Variants in NUBPL observed in about 807,000 individuals in gnomAD.
The protein encoded by NUBPL is iron-sulfur cluster transfer protein NUBPL.
NUBPL carries 31 observed loss-of-function variants against 45.7 expected under a neutral mutation model. The observed-to-expected ratio is 0.68, with a 90% confidence interval of 0.51 to 0.92. NUBPL has a LOEUF of 0.92. NUBPL is among the 40% of genes least tolerant of loss of function. The pLI is 0.00. For missense variants in NUBPL, 401 were observed against 398.7 expected (o/e 1.01, Z -0.05); for synonymous variants, 144 against 140.9 (o/e 1.02, Z -0.15).
chr14:31,757,955 G>C (rs1002175561), intron 6 of NUBPL, among the ~76,000 whole-genome samples: 7 of 151,820 alleles, frequency 4.6e-5, no homozygotes, highest in Non-Finnish European at 7.4e-5. Context: ...ACTTATGGCT[G>C]TTCTCTCTAT....
intron 4 of NUBPL, among the ~76,000 whole-genome samples, chr14:31,628,188 G>T (rs1405758550): frequency 6.6e-6 from 1 of 152,108 alleles, no homozygotes; most frequent in African/African-American, 2.4e-5. Context: ...CCAAAATTTG[G>T]CAAGTGTTGG....
intron 3 of NUBPL, among the ~76,000 whole-genome samples, chr14:31,580,104 TACTC>T (rs2033822823): frequency 6.6e-6 from 1 of 152,228 alleles, no homozygotes; most frequent in Non-Finnish European, 1.5e-5. Context: ...AAGGATATAA[TACTC>T]AGTGCTTCTA....
chr14:31,659,705 C>T (rs1202100906), intron 4 of NUBPL, among the ~76,000 whole-genome samples: 2 of 152,136 alleles, frequency 1.3e-5, no homozygotes, highest in Non-Finnish European at 2.9e-5. Context: ...TGCATTCTTT[C>T]CCATTTATAT....
chr14:31,688,654 TG>T (rs1329199605), intron 6 of NUBPL, among the ~76,000 whole-genome samples: 18 of 101,612 alleles, frequency 1.8e-4, no homozygotes, highest in African/African-American at 5.7e-4. Flanking sequence ...AGGTTTTTGT[TG>T]TTGTTTTTTT....
At chr14:31,644,402 A>G (rs1174779682) in intron 4 of NUBPL, among the ~76,000 whole-genome samples, 1 of 152,046 alleles carries the variant, frequency 6.6e-6, no homozygotes, top group African/African-American at 2.4e-5. Context: ...TAATTTCTTC[A>G]TTGACCCATT....
chr14:31,859,204 G>A lies in NUBPL; in HGVS notation c.*24G>A, dbSNP rs2139028463. The A allele has an allele frequency of 1.9e-6, 3 of 1,601,270 alleles. No homozygotes were observed. In the East Asian group the frequency reaches 6.7e-5, roughly 36 times the overall value. ...GATTCCCCAAGTGTCCTGGAAATTTGCCTGGTACTGACATTAAGAGGACCT... is the reference window on the plus strand; with the variant it reads ...GATTCCCCAAGTGTCCTGGAAATTTACCTGGTACTGACATTAAGAGGACCT... On this transcript the variant is annotated 3_prime_UTR_variant, in exon 11 of 11. Coordinates refer to ENST00000281081, the MANE Select transcript of NUBPL (RefSeq NM_025152.3).
intron 6 of NUBPL, among the ~76,000 whole-genome samples, chr14:31,680,493 T>A (rs1055321845): frequency 1.3e-5 from 2 of 152,094 alleles, no homozygotes; most frequent in South Asian, 4.1e-4. Flanking sequence ...TCATATAATT[T>A]TTCTCCTTTA....
chr14:31,593,177 A>T (rs2034188458), intron 3 of NUBPL, among the ~76,000 whole-genome samples: 4 of 152,156 alleles, frequency 2.6e-5, no homozygotes, highest in South Asian at 2.1e-4. Flanking sequence ...ATACGAGAGG[A>T]TGTGTACAGG....
chr14:31,596,443 C>G (rs1265359573), intron 3 of NUBPL, among the ~76,000 whole-genome samples: 1 of 152,114 alleles, frequency 6.6e-6, no homozygotes, highest in Non-Finnish European at 1.5e-5. Context: ...ACTTTGCTCT[C>G]TAAATTGAAT....
intron 6 of NUBPL, among the ~76,000 whole-genome samples, chr14:31,701,944 G>A (rs1375587036): frequency 1.3e-5 from 2 of 152,164 alleles, no homozygotes; most frequent in Non-Finnish European, 2.9e-5. Context: ...TATGTGAATA[G>A]TTTAGGTCAA....
At chr14:31,742,219 C>CA (rs2038299372) in intron 6 of NUBPL, among the ~76,000 whole-genome samples, 1 of 146,132 alleles carries the variant, frequency 6.8e-6, no homozygotes, top group Non-Finnish European at 1.5e-5. Context: ...CACTATGAAA[C>CA]CAATTTTAAC....
chr14:31,726,858 T>A (rs940648340), intron 6 of NUBPL, among the ~76,000 whole-genome samples: 27 of 152,250 alleles, frequency 1.8e-4, no homozygotes, highest in African/African-American at 6.0e-4. Context: ...ACTATCAATG[T>A]TTTGAGCTGA....
At chr14:31,838,081 A>C (rs1193588231) in intron 8 of NUBPL, among the ~76,000 whole-genome samples, 4 of 152,154 alleles carry the variant, frequency 2.6e-5, no homozygotes. Context: ...ACGGTTGAAC[A>C]AGCCAGCACA....
intron 6 of NUBPL, among the ~76,000 whole-genome samples, chr14:31,693,306 T>C (rs2037132953): frequency 6.6e-6 from 1 of 152,184 alleles, no homozygotes; most frequent in Non-Finnish European, 1.5e-5. Context: ...CCTCTTAAGA[T>C]ATATGGAGGC....
In NUBPL at chr14:31,617,306, T is replaced by C. The variant is rs140253032; in HGVS notation, c.382+17927T>C. Among the ~76,000 whole-genome samples, 467 of 152,286 alleles carry C rather than the reference T, an allele frequency of 3.1e-3. 3 individuals carry two copies. The highest frequency in any genetic ancestry group is 0.011 in the African/African-American group (439 of 41,564). On this transcript the variant is annotated intron_variant, in intron 4 of 10. Transcript: ENST00000281081. ...TTATTGCCCTGGCCAGAACTTCCAG[T>C]ACTATGTGGAATAGGAGTGGTGAAA...
chr14:31,629,626 C>G (rs189253626), intron 4 of NUBPL, among the ~76,000 whole-genome samples: 1 of 152,216 alleles, frequency 6.6e-6, no homozygotes, highest in East Asian at 1.9e-4. Flanking sequence ...TATGCTATCA[C>G]ATAATTGCTT....
At chr14:31,680,003 T>G (rs936075877) in intron 6 of NUBPL, among the ~76,000 whole-genome samples, 6 of 152,184 alleles carry the variant, frequency 3.9e-5, no homozygotes, top group Non-Finnish European at 4.4e-5. Flanking sequence ...TCTTGTAAAT[T>G]GAATTGTTAT....
At chr14:31,787,447 A>G (rs1000720570) in intron 6 of NUBPL, among the ~76,000 whole-genome samples, 6 of 152,242 alleles carry the variant, frequency 3.9e-5, no homozygotes. Context: ...AAAAGCTAAT[A>G]TCTTCTTTAG....
At chr14:31,817,543 A>C (rs1487137880) in intron 7 of NUBPL, among the ~76,000 whole-genome samples, 1 of 152,228 alleles carries the variant, frequency 6.6e-6, no homozygotes, top group Non-Finnish European at 1.5e-5. Context: ...TAAAGAAAGG[A>C]ATTTTCAACC....
Sources: allele counts gnomAD v4.1 joint callset (sites outside exome capture counted in the v4.1 genomes callset), GRCh38; gene constraint gnomAD v4.1.1; transcripts MANE v1.5; gene names NCBI Gene and HGNC (gene_info 2026-07-23, HGNC 2026-07-21).